The following CST5 variants were observed in gnomAD, a reference collection of about 807,000 sequenced individuals.
The protein encoded by CST5 is cystatin D, also known as cystatin-D.
Under a neutral mutation model 11.5 loss-of-function variants are expected in CST5, and 13 were observed. The observed-to-expected ratio is 1.13, with a 90% CI of 0.73 to 1.79. CST5 has a LOEUF of 1.79. Ranked by LOEUF, CST5 falls within the 40% of genes most tolerant of loss-of-function variation. CST5 has a pLI of 0.00. For synonymous variants in CST5, 81 were observed against 67.6 expected, an observed-to-expected ratio of 1.20 and a Z score of -0.97; for missense variants, 219 against 174.5, an observed-to-expected ratio of 1.25 and a Z score of -1.44.
At position 23,877,591 on chromosome 20, in the gene CST5, T is replaced by C. The variant is rs1165341989; in HGVS notation, c.259A>G (p.Asn87Asp). The change falls in exon 2 of 3, where the codon AAT (asparagine) becomes GAT (aspartate). Residue 87 changes from asparagine to aspartate, a missense_variant. Asn to Asp is a conservative substitution (Grantham distance 23, BLOSUM62 1). Transcript: ENST00000304710. ...QIVGGVNYYF[N>D]VKFGRTTCTK... ...CATGTGGTTCGACCGAACTTCACAT[T>C]GAAGTAGTAGTTCACCCCACCCACG... The C allele has an allele frequency of 3.7e-6, 6 of 1,601,386 alleles. No individual in the cohort carries two copies. The highest frequency in any genetic ancestry group is 5.1e-6 in the Non-Finnish European group (6 of 1,173,752).
rs1325517682 is a variant in CST5 at position 23,879,645 on chromosome 20, A to T, written c.32T>A (p.Leu11Gln). Residue 11 changes from leucine (L) to glutamine (Q), a missense_variant, in exon 1 of 3, where the codon CTG becomes CAG. Leu to Gln is a moderately radical substitution (Grantham distance 113). Transcript: ENST00000304710. ...CACGGCCACCATCAAGGCAGTCAGC[A>T]GCAGCAGTGGGGTGTGCATGGGCCA... MMWPMHTPLL[L>Q]LTALMVAVAG... is the part of the protein sequence containing the mutation. 4 of 1,613,996 alleles carry T rather than the reference A, an allele frequency of 2.5e-6. No homozygotes were observed. Among genetic ancestry groups the T allele is most frequent in the Middle Eastern group, 1.6e-4 (1 of 6,084 alleles).
intron 1 of CST5, among the ~76,000 whole-genome samples, chr20:23,878,108 T>C (rs1317227073): frequency 6.6e-6 from 1 of 152,184 alleles, no homozygotes; most frequent in Non-Finnish European, 1.5e-5. Context: ...CACCTGATGA[T>C]GAAATTTCAG....
In CST5 at chr20:23,879,553, T is replaced by C; in HGVS notation, c.124A>G (p.Lys42Glu). 1 of 1,614,072 alleles carries C rather than the reference T, an allele frequency of 6.2e-7. No homozygotes were observed. Among genetic ancestry groups the C allele is most frequent in the Non-Finnish European group, 8.5e-7 (1 of 1,179,990 alleles). ...AAGTCCAGGGCACACTGCACACTCT[T>C]GTCATTGAGGTCTGTGGCATGGATG... is the stretch of plus-strand genomic sequence containing the variant. ...GGIHATDLND[K>E]SVQCALDFAI... Residue 42 changes from lysine to glutamate, a missense_variant, in exon 1 of 3, where the codon AAG becomes GAG. Coordinates refer to ENST00000304710, the MANE Select transcript of CST5 (RefSeq NM_001900.5).
rs1051826754 is a variant in CST5 at position 23,876,106 on chromosome 20, TG to T, written c.*81del. 1.3e-5 allele frequency: 15 copies of T among 1,130,800 alleles called. No individual in the cohort carries two copies. The highest frequency in any genetic ancestry group is 3.1e-5 in the African/African-American group (2 of 64,516). The allele number at this position is 1,130,800 out of a possible 1,614,324, so 70.0% of individuals were successfully genotyped here. Reference sequence around the variant, plus strand: ...GCGCATGAGGAGACCTCCCCCAGGGTGGGGGCCACCAGTCCAGGGGTGGGAG... The same window carrying T: ...GCGCATGAGGAGACCTCCCCCAGGGTGGGGCCACCAGTCCAGGGGTGGGAG... On this transcript the variant is annotated 3_prime_UTR_variant, in exon 3 of 3. Transcript: ENST00000304710.
intron 1 of CST5, among the ~76,000 whole-genome samples, chr20:23,879,129 T>C (rs910716362): frequency 6.6e-6 from 1 of 152,144 alleles, no homozygotes; most frequent in South Asian, 2.1e-4. Flanking sequence ...GGCCTGGATC[T>C]CATCCTGAGC....
chr20:23,877,415 G>T, intron 2 of CST5, 90 bp downstream of exon 2: 1 of 993,424 alleles, frequency 1.0e-6, no homozygotes, highest in Non-Finnish European at 1.6e-6. Flanking sequence ...ATGTGCAGGA[G>T]TACAGATGCG....
At chr20:23,878,105 T>A (rs909711610) in intron 1 of CST5, among the ~76,000 whole-genome samples, 15 of 152,152 alleles carry the variant, frequency 9.9e-5, no homozygotes, top group Non-Finnish European at 1.8e-4. Flanking sequence ...TGCCACCTGA[T>A]GATGAAATTT....
chr20:23,878,047 G>A (rs1986001622), intron 1 of CST5, among the ~76,000 whole-genome samples: 1 of 152,186 alleles, frequency 6.6e-6, no homozygotes, highest in African/African-American at 2.4e-5. Flanking sequence ...ACTGAATTCT[G>A]CTACCTGTGC....
At chr20:23,876,570 G>C (rs1296922888) in intron 2 of CST5, among the ~76,000 whole-genome samples, 1 of 152,130 alleles carries the variant, frequency 6.6e-6, no homozygotes, top group African/African-American at 2.4e-5. Context: ...GAGCCTCAGG[G>C]GTGCAGGACA....
chr20:23,879,598 A>G lies in CST5; in HGVS notation c.79T>C (p.Ser27Pro). The G allele has an allele frequency of 1.9e-6, 3 of 1,614,018 alleles. No individual in the cohort carries two copies. The highest frequency in any genetic ancestry group is 2.5e-6 in the Non-Finnish European group (3 of 1,179,980). ...VAVAGSASAQ[S>P]RTLAGGIHAT... Reference sequence around the variant, plus strand: ...TGGATGCCACCTGCCAAGGTCCTAGATTGGGCCGAGGCACTCCCGGCCACG... The same window carrying G: ...TGGATGCCACCTGCCAAGGTCCTAGGTTGGGCCGAGGCACTCCCGGCCACG... The change falls in exon 1 of 3, where the codon TCT (serine) becomes CCT (proline). Residue 27 changes from serine to proline, a missense_variant. Coordinates refer to ENST00000304710, the MANE Select transcript of CST5 (RefSeq NM_001900.5).
At chr20:23,877,967 G>A (rs906045716) in intron 1 of CST5, among the ~76,000 whole-genome samples, 5 of 152,214 alleles carry the variant, frequency 3.3e-5, no homozygotes, top group Non-Finnish European at 7.3e-5. Flanking sequence ...CAAAGAAACA[G>A]TCCTGGCACC....
intron 1 of CST5, among the ~76,000 whole-genome samples, chr20:23,877,951 G>A (rs1384674986): frequency 2.0e-5 from 3 of 152,216 alleles, no homozygotes; most frequent in African/African-American, 7.2e-5. Flanking sequence ...ACCAGCCAGG[G>A]TGGGACAAAG....
chr20:23,877,140 C>T (rs1377985564), intron 2 of CST5, among the ~76,000 whole-genome samples: 1 of 152,224 alleles, frequency 6.6e-6, no homozygotes, highest in Non-Finnish European at 1.5e-5. Flanking sequence ...CACATCCACA[C>T]ACATGCACAC....
intron 1 of CST5, among the ~76,000 whole-genome samples, chr20:23,878,192 C>T (rs1477572694): frequency 6.6e-6 from 1 of 152,198 alleles, no homozygotes; most frequent in African/African-American, 2.4e-5. Flanking sequence ...TATTTTTCCT[C>T]ATTTCTCAGT....
In CST5 at chr20:23,876,023, G is replaced by A; in HGVS notation, c.*165C>T. 1.7e-6 allele frequency: 1 copy of A among 573,950 alleles called. No individual in the cohort carries two copies. The highest frequency in any genetic ancestry group is 2.4e-5 in the South Asian group (1 of 41,702). 35.6% of individuals were successfully genotyped at this position (573,950 alleles called of 1,614,324 possible). On this transcript the variant is annotated 3_prime_UTR_variant, in exon 3 of 3. Transcript: ENST00000304710. Reference sequence around the variant, plus strand: ...GCAAGAAGGAAGGAGCAAGGGCAGAGCCTCCTGCTGAGCAACAAAGGCCTC... The same window carrying A: ...GCAAGAAGGAAGGAGCAAGGGCAGAACCTCCTGCTGAGCAACAAAGGCCTC...
At chr20:23,879,007 C>A (rs548266107) in intron 1 of CST5, among the ~76,000 whole-genome samples, 2 of 152,196 alleles carry the variant, frequency 1.3e-5, no homozygotes, top group African/African-American at 4.8e-5. Flanking sequence ...CTAGCCATAA[C>A]GGGCTGTGCC....
At chr20:23,877,436 C>A in intron 2 of CST5, 69 bp downstream of exon 2, 1 of 1,198,708 alleles carries the variant, frequency 8.3e-7, no homozygotes, top group Non-Finnish European at 1.2e-6. Context: ...TGCACACACA[C>A]ATACACACAC....
intron 1 of CST5, among the ~76,000 whole-genome samples, chr20:23,878,971 G>T (rs1986021544): frequency 6.6e-6 from 1 of 152,224 alleles, no homozygotes. Context: ...GTAGGGGGTG[G>T]TCAGCCAGCC....
chr20:23,879,339 GA>G (rs1986032397), intron 1 of CST5, 106 bp downstream of exon 1: 1 of 839,824 alleles, frequency 1.2e-6, no homozygotes, highest in African/African-American at 1.7e-5. Context: ...AGAGAAAGCT[GA>G]ATGAGTCTGC....
Sources: allele counts gnomAD v4.1 joint callset (sites outside exome capture counted in the v4.1 genomes callset), GRCh38; gene constraint gnomAD v4.1.1; transcripts MANE v1.5; gene names NCBI Gene and HGNC (gene_info 2026-07-23, HGNC 2026-07-21).